The following CYP2R1 variants were observed in gnomAD, a reference collection of about 807,000 sequenced individuals.
CYP2R1 encodes cytochrome P450 family 2 subfamily R member 1.
In CYP2R1, 40 loss-of-function variants were observed where a neutral mutation model predicts 45.7. The observed-to-expected ratio is 0.87, with a 90% CI of 0.68 to 1.14. The LOEUF (loss-of-function observed/expected upper bound fraction) is 1.14, where lower values mean the gene tolerates loss of function less well. Among genes scored for constraint, CYP2R1 ranks in the 50% most tolerant of loss-of-function variants. The pLI is 0.00. For missense variants in CYP2R1, 605 were observed against 602.6 expected (o/e 1.00, Z -0.04); for synonymous variants, 234 against 219.3 (o/e 1.07, Z -0.59).
Position 14,892,208 on chromosome 11 carries a change from G to A in CYP2R1, c.-3C>T, listed in dbSNP as rs1555017476. 1.9e-6 allele frequency: 3 copies of A among 1,608,982 alleles called. No individual in the cohort carries two copies. Among genetic ancestry groups the A allele is most frequent in the Non-Finnish European group, 2.5e-6 (3 of 1,179,514 alleles). On this transcript the variant is annotated 5_prime_UTR_variant, in exon 1 of 5. Transcript: ENST00000334636. ...TCAGCTCTCCAAAGCTTCCACATCG[G>A]CCCGAGCTGGAGGTGCGAACTCCAC...
chr11:14,890,107 T>C (rs1443874881), intron 1 of CYP2R1, among the ~76,000 whole-genome samples: 1 of 152,032 alleles, frequency 6.6e-6, no homozygotes, highest in Non-Finnish European at 1.5e-5. Context: ...CCAGCCTGGG[T>C]GACAGAGCAA....
At chr11:14,887,651 T>C (rs561172711) in intron 1 of CYP2R1, 1 of 985,310 alleles carries the variant, frequency 1.0e-6, no homozygotes, top group Admixed American at 6.1e-5. Context: ...CTCCATGATC[T>C]TCAAGTCTCT....
In CYP2R1 at chr11:14,883,436, A is replaced by G. The variant is rs1848472859; in HGVS notation, c.367+2340T>C. On this transcript the variant is annotated intron_variant, in intron 2 of 4. Transcript: ENST00000334636. ...CTGAGAAAAATAAGCAATGGGGAAA[A>G]GATTCCCTATTTAATAAATGGTGCT... Among the ~76,000 whole-genome samples, 2 of 152,166 alleles carry G rather than the reference A, an allele frequency of 1.3e-5. 1 individual carries two copies. Among genetic ancestry groups the G allele is most frequent in the South Asian group, 4.1e-4 (2 of 4,834 alleles).
At chr11:14,878,598 G>A (rs868954633) in intron 4 of CYP2R1, among the ~76,000 whole-genome samples, 1 of 152,110 alleles carries the variant, frequency 6.6e-6, no homozygotes, top group Non-Finnish European at 1.5e-5. Context: ...AATTTGAGGT[G>A]AGACATTTTG....
chr11:14,891,228 A>T (rs1555016747), intron 1 of CYP2R1: 2 of 984,994 alleles, frequency 2.0e-6, no homozygotes, highest in African/African-American at 1.7e-5. Context: ...CAGAATGAGG[A>T]GGAGCGAAGT....
chr11:14,885,677 C>T (rs575781482), intron 2 of CYP2R1, 99 bp downstream of exon 2: 2 of 1,243,824 alleles, frequency 1.6e-6, no homozygotes, highest in Admixed American at 3.7e-5. Context: ...TCTTATTAAT[C>T]AGTATAAAAT....
chr11:14,892,276 T>C, upstream of CYP2R1: 1 of 1,429,100 alleles, frequency 7.0e-7, no homozygotes, highest in African/African-American at 1.4e-5. Context: ...CCTGCCATAC[T>C]CCCATTGGCA....
chr11:14,889,005 G>A (rs1267901576), intron 1 of CYP2R1, among the ~76,000 whole-genome samples: 1 of 152,132 alleles, frequency 6.6e-6, no homozygotes, highest in African/African-American at 2.4e-5. Context: ...TTTTCAGTGT[G>A]ATACACTTCT....
rs1182685564 is a variant in CYP2R1 at position 14,883,287 on chromosome 11, T to C, written c.367+2489A>G. Among the ~76,000 whole-genome samples the C allele has an allele frequency of 9.9e-3, 1,504 of 151,878 alleles. 13 individuals are homozygous for C. The highest frequency in any genetic ancestry group is 0.012 in the Non-Finnish European group (807 of 67,892). ...CACGCTACCTGACTTCAAACTATACTACAAGGCTACACTAACCAAAACAGC... is the reference window on the plus strand; with the variant it reads ...CACGCTACCTGACTTCAAACTATACCACAAGGCTACACTAACCAAAACAGC... On this transcript the variant is annotated intron_variant, in intron 2 of 4. Coordinates refer to ENST00000334636, the MANE Select transcript of CYP2R1 (RefSeq NM_024514.5).
In CYP2R1 at chr11:14,880,174, C is replaced by T; in HGVS notation, c.962G>A (p.Trp321Ter). The change falls in exon 3 of 5, where the codon TGG (tryptophan) becomes TAG (stop). Residue 321 changes from tryptophan to a stop codon, truncating the protein, a stop_gained. Transcript: ENST00000334636. LOFTEE classifies it high-confidence loss of function. Reference sequence around the variant, plus strand: ...ATAAAGGGCCATGAAAAGAATCGCCCACCGTAGCACATTGGTTGTAGTTTC... The same window carrying T: ...ATAAAGGGCCATGAAAAGAATCGCCTACCGTAGCACATTGGTTGTAGTTTC... ...GTETTTNVLR[W>*]AILFMALYPN... 6.2e-7 allele frequency: 1 copy of T among 1,612,790 alleles called. No individual in the cohort carries two copies.
intron 1 of CYP2R1, chr11:14,887,487 A>G (rs970047493): frequency 1.3e-5 from 9 of 675,028 alleles, no homozygotes; most frequent in Non-Finnish European, 1.5e-5. Context: ...GTGAAAACTT[A>G]TCCTTAAACT....
chr11:14,884,318 T>C (rs1555013542), intron 2 of CYP2R1, among the ~76,000 whole-genome samples: 1 of 152,018 alleles, frequency 6.6e-6, no homozygotes, highest in African/African-American at 2.4e-5. Flanking sequence ...GAAGAAAATG[T>C]GGCACATATA....
At chr11:14,889,803 G>A (rs547425950) in intron 1 of CYP2R1, among the ~76,000 whole-genome samples, 69 of 152,216 alleles carry the variant, frequency 4.5e-4, no homozygotes, top group African/African-American at 1.7e-3. Context: ...TTTCAAATTT[G>A]GAGGTCGAAC....
At chr11:14,892,250 A>G, upstream of CYP2R1, 1 of 1,563,386 alleles carries the variant, frequency 6.4e-7, no homozygotes, top group Non-Finnish European at 8.7e-7. Flanking sequence ...CCTGAGACCC[A>G]GGCACTCCCT....
Position 14,880,536 on chromosome 11 carries a change from G to C in CYP2R1, c.600C>G (p.Phe200Leu). 2 of 1,613,446 alleles carry C rather than the reference G, an allele frequency of 1.2e-6. No homozygotes were observed. Among genetic ancestry groups the C allele is most frequent in the Non-Finnish European group, 1.7e-6 (2 of 1,179,676 alleles). The change falls in exon 3 of 5, where the codon TTC becomes TTG. Residue 200 changes from phenylalanine to leucine, a missense_variant. Physicochemically the swap from Phe to Leu is conservative, Grantham distance 22 (BLOSUM62 0). Transcript: ENST00000334636. Reference sequence around the variant, plus strand: ...GCTGAAAATCGGTGTCTTCATAAGTGAATCGTTCTCCAAAAATGATCAGAT... The same window carrying C: ...GCTGAAAATCGGTGTCTTCATAAGTCAATCGTTCTCCAAAAATGATCAGAT... ...ITNLIIFGERFTYEDTDFQHM... is the reference protein window; with the variant it reads ...ITNLIIFGERLTYEDTDFQHM...
At chr11:14,880,041 C>A in intron 3 of CYP2R1, 95 bp downstream of exon 3, 1 of 1,284,742 alleles carries the variant, frequency 7.8e-7, no homozygotes, top group Admixed American at 2.2e-5. Flanking sequence ...CGCAGGAGTT[C>A]CTAAAGAAAA....
At chr11:14,878,327 T>C (rs1555010480) in intron 4 of CYP2R1, 30 bp from the exon 5 acceptor site, 1 of 1,606,608 alleles carries the variant, frequency 6.2e-7, no homozygotes, top group Admixed American at 1.7e-5. Flanking sequence ...ACAATAATTT[T>C]TTAAACCCAC....
chr11:14,880,821 A>C lies in CYP2R1; in HGVS notation c.368-53T>G. On this transcript the variant is annotated intron_variant, in intron 2 of 4. Coordinates refer to ENST00000334636, the MANE Select transcript of CYP2R1 (RefSeq NM_024514.5). Reference sequence around the variant, plus strand: ...AATTCCTACTTCTCTGTATCTAAAAAATGAAAGGGAACAAAATTTTTTTAA... The same window carrying C: ...AATTCCTACTTCTCTGTATCTAAAACATGAAAGGGAACAAAATTTTTTTAA... The C allele has an allele frequency of 6.6e-6, 10 of 1,522,872 alleles. No individual in the cohort carries two copies. In the South Asian group the frequency reaches 1.0e-4, roughly 15 times the overall value. 94.3% of individuals were successfully genotyped at this position (1,522,872 alleles called of 1,614,324 possible).
At chr11:14,885,467 G>A (rs1380868911) in intron 2 of CYP2R1, among the ~76,000 whole-genome samples, 5 of 152,068 alleles carry the variant, frequency 3.3e-5, no homozygotes, top group South Asian at 2.1e-4. Context: ...AGGGCACTTC[G>A]GATTCAAGTG....
Sources: gnomAD v4.1 joint callset for allele counts (sites outside exome capture counted in the v4.1 genomes callset) on GRCh38, gnomAD v4.1.1 for gene constraint, MANE v1.5 for transcripts, NCBI Gene and HGNC (gene_info 2026-07-23, HGNC 2026-07-21) for gene names.